CEP170: variants seen among roughly 807,000 people sequenced by gnomAD.
CEP170 encodes the protein centrosomal protein of 170 kDa.
In CEP170, 21 loss-of-function variants were observed where a neutral mutation model predicts 151.9. That is an observed-to-expected ratio of 0.14 (90% confidence interval 0.10 to 0.20). The LOEUF (loss-of-function observed/expected upper bound fraction) is 0.20, where lower values mean the gene tolerates loss of function less well. Ranked by LOEUF, CEP170 falls within the 10% of genes least tolerant of loss-of-function variation. The pLI, the probability that CEP170 is intolerant of heterozygous loss-of-function variation, is 1.00. For synonymous variants in CEP170, 356 were observed against 648.8 expected (o/e 0.55, Z 6.86); for missense variants, 964 against 1,892.9 (o/e 0.51, Z 9.11).
At chr1:243,235,910 A>G (rs1457201852) in intron 1 of CEP170, among the ~76,000 whole-genome samples, 1 of 152,234 alleles carries the variant, frequency 6.6e-6, no homozygotes, top group African/African-American at 2.4e-5. Context: ...TAAATTATCT[A>G]GGCATTAAAA....
At chr1:243,213,169 G>A (rs536697341) in intron 3 of CEP170, among the ~76,000 whole-genome samples, 55 of 151,404 alleles carry the variant, frequency 3.6e-4, no homozygotes, top group African/African-American at 1.1e-3. Flanking sequence ...CACATTTCAA[G>A]GGCTCAACAG....
At chr1:243,238,079 TGC>T (rs909649476) in intron 1 of CEP170, among the ~76,000 whole-genome samples, 54 of 152,296 alleles carry the variant, frequency 3.5e-4, no homozygotes, top group African/African-American at 1.2e-3. Flanking sequence ...TTTACCAGAA[TGC>T]CATGAGGTAT....
chr1:243,126,595 C>G lies in CEP170; in HGVS notation c.4609G>C (p.Gly1537Arg). 1 of 1,575,214 alleles carries G rather than the reference C, an allele frequency of 6.3e-7. No individual in the cohort carries two copies. The highest frequency in any genetic ancestry group is 1.2e-5 in the South Asian group (1 of 86,420). ...HHSPGQTPTL[G>R]QPEARALHPA... ...TGAAGAGCCCTAGCTTCTGGTTGGC[C>G]AAGTGTTGGTGTCTGACCCGGGCTG... Residue 1537 changes from glycine to arginine, a missense_variant, in exon 20 of 20, where the codon GGC (glycine) becomes CGC (arginine). Gly to Arg is a moderately radical substitution (Grantham distance 125, BLOSUM62 -2). Transcript: ENST00000366542.
At chr1:243,178,878 C>T (rs972011825) in intron 10 of CEP170, among the ~76,000 whole-genome samples, 6 of 152,088 alleles carry the variant, frequency 3.9e-5, no homozygotes, top group Admixed American at 3.9e-4. Context: ...GCCCCATGCC[C>T]TGCTGTTTTT....
intron 13 of CEP170, among the ~76,000 whole-genome samples, chr1:243,158,766 T>G (rs182881526): frequency 6.6e-6 from 1 of 152,074 alleles, no homozygotes; most frequent in East Asian, 1.9e-4. Flanking sequence ...TAATAATATC[T>G]TTTAAAAGCA....
Position 243,125,967 on chromosome 1 carries a change from T to G in CEP170, c.*482A>C. On this transcript the variant is annotated 3_prime_UTR_variant, in exon 20 of 20. Coordinates refer to ENST00000366542, the MANE Select transcript of CEP170 (RefSeq NM_014812.3). ...ACTGTGGAGAGTACTTATGTCATTG[T>G]GTCCAATGGTAATGAGTACTAATAT... The G allele has an allele frequency of 2.8e-6, 1 of 356,418 alleles. No individual in the cohort carries two copies. Among genetic ancestry groups the G allele is most frequent in the Non-Finnish European group, 5.5e-6 (1 of 182,852 alleles). 22.1% of individuals were successfully genotyped at this position (356,418 alleles called of 1,614,324 possible). A position where few individuals can be genotyped will look rare whatever the true frequency, so the allele number is the denominator to read the frequency against.
chr1:243,185,759 C>T lies in CEP170; in HGVS notation c.1566+20G>A, dbSNP rs1180123503. 1.3e-6 allele frequency: 2 copies of T among 1,565,954 alleles called. No homozygotes were observed. Among genetic ancestry groups the T allele is most frequent in the Non-Finnish European group, 1.7e-6 (2 of 1,157,774 alleles). ...ACACCACACAACAACTAAGATCACA[C>T]TCAAATTTCAATTATTTACCTTGTC... On this transcript the variant is annotated intron_variant, in intron 10 of 19. Transcript: ENST00000366542. This position sits in a 1 kb window ranked among gnomAD's most constrained non-coding sequence, Gnocchi z 4.9.
intron 10 of CEP170, chr1:243,176,781 C>G (rs1277011255): frequency 1.0e-5 from 4 of 389,864 alleles, no homozygotes; most frequent in Admixed American, 6.7e-5. Flanking sequence ...GAGGTTACGT[C>G]TGATAAAGGA....
At chr1:243,209,867 G>T (rs1382165107) in intron 4 of CEP170, among the ~76,000 whole-genome samples, 1 of 151,878 alleles carries the variant, frequency 6.6e-6, no homozygotes, top group Non-Finnish European at 1.5e-5. Context: ...TAATTTTTTT[G>T]TATTTTTAGT....
At chr1:243,248,127 T>C (rs764615181) in intron 1 of CEP170, among the ~76,000 whole-genome samples, 1 of 152,206 alleles carries the variant, frequency 6.6e-6, no homozygotes, top group Non-Finnish European at 1.5e-5. Flanking sequence ...ACTGTGAACA[T>C]TCATGTTGAT....
At chr1:243,247,982 C>A (rs2065580260) in intron 1 of CEP170, among the ~76,000 whole-genome samples, 1 of 152,206 alleles carries the variant, frequency 6.6e-6, no homozygotes, top group Non-Finnish European at 1.5e-5. Flanking sequence ...TCCTATGAAA[C>A]AGCATCGCTT....
intron 16 of CEP170, 106 bp from the exon 17 acceptor site, chr1:243,136,337 T>C: frequency 2.2e-6 from 2 of 905,810 alleles, no homozygotes; most frequent in Non-Finnish European, 3.3e-6. Flanking sequence ...AGTTAGTATT[T>C]ATGCTTATTT....
chr1:243,240,227 T>C (rs1176658905), intron 1 of CEP170, among the ~76,000 whole-genome samples: 1 of 152,164 alleles, frequency 6.6e-6, no homozygotes, highest in African/African-American at 2.4e-5. Context: ...GGAGAATTGC[T>C]TGAACCTGGG....
intron 1 of CEP170, among the ~76,000 whole-genome samples, chr1:243,240,534 C>T (rs2064726006): frequency 1.3e-5 from 2 of 152,022 alleles, no homozygotes; most frequent in African/African-American, 4.8e-5. Context: ...TTTTTACACA[C>T]AGGAACACTT....
At chr1:243,225,893 C>T (rs2063180324) in intron 1 of CEP170, among the ~76,000 whole-genome samples, 1 of 151,484 alleles carries the variant, frequency 6.6e-6, no homozygotes, top group South Asian at 2.1e-4. Flanking sequence ...AATTCTGAAA[C>T]ATTCTGTTCT....
rs1450612559 is a variant in CEP170, at chr1:243,124,946, GT to G, written c.*1502del. ...AGTTTTGTTTTTACATCTCTATAAA[GT>G]TTTTTTGCATCTTTATTAATTGATC... is the stretch of plus-strand genomic sequence containing the variant. On this transcript the variant is annotated 3_prime_UTR_variant, in exon 20 of 20. Coordinates refer to ENST00000366542, the MANE Select transcript of CEP170 (RefSeq NM_014812.3). 1 of 151,622 alleles carries G rather than the reference GT, an allele frequency of 6.6e-6. No homozygotes were observed. The highest frequency in any genetic ancestry group is 2.4e-5 in the African/African-American group (1 of 41,138). 9.4% of individuals were successfully genotyped at this position (151,622 alleles called of 1,614,324 possible). A position where few individuals can be genotyped will look rare whatever the true frequency, so the allele number is the denominator to read the frequency against.
At chr1:243,157,215 G>C (rs2057644142) in intron 13 of CEP170, among the ~76,000 whole-genome samples, 1 of 152,192 alleles carries the variant, frequency 6.6e-6, no homozygotes, top group African/African-American at 2.4e-5. Flanking sequence ...GAGATACTGT[G>C]AAGAGTCACA....
intron 17 of CEP170, among the ~76,000 whole-genome samples, chr1:243,134,055 A>G (rs1392139638): frequency 6.6e-6 from 1 of 152,164 alleles, no homozygotes; most frequent in Non-Finnish European, 1.5e-5. Context: ...CAGTGATTTT[A>G]ATAATAAGAA....
intron 11 of CEP170, among the ~76,000 whole-genome samples, chr1:243,171,614 T>C (rs1313360800): frequency 6.6e-6 from 1 of 152,184 alleles, no homozygotes; most frequent in Non-Finnish European, 1.5e-5. Flanking sequence ...GAATAAATAA[T>C]AATTAATACT....
Sources: allele counts gnomAD v4.1 joint callset (sites outside exome capture counted in the v4.1 genomes callset), GRCh38; gene constraint gnomAD v4.1.1; non-coding constraint Gnocchi (gnomAD v3.1); transcripts MANE v1.5; gene names NCBI Gene and HGNC (gene_info 2026-07-23, HGNC 2026-07-21).